The following CCDC171 variants were observed in gnomAD, a reference collection of about 807,000 sequenced individuals.
CCDC171 encodes coiled-coil domain containing 171, also known as coiled-coil domain-containing protein 171.
In CCDC171, 177 loss-of-function variants were observed where a neutral mutation model predicts 168.2. The ratio of observed to expected loss-of-function variants is 1.05; its 90% CI spans 0.93 to 1.19. The LOEUF (loss-of-function observed/expected upper bound fraction) is 1.19. Ranked by LOEUF, CCDC171 falls within the 50% of genes most tolerant of loss-of-function variation. The pLI is 0.00. For synonymous variants in CCDC171, 687 were observed against 540.8 expected (o/e 1.27, Z -3.75); for missense variants, 1,991 against 1,539.0 (o/e 1.29, Z -4.91).
At chr9:15,605,111 G>A (rs536892092) in intron 6 of CCDC171, among the ~76,000 whole-genome samples, 1 of 152,072 alleles carries the variant, frequency 6.6e-6, no homozygotes, top group South Asian at 2.1e-4. Context: ...TGCCTAGGCT[G>A]GTCTTGAATT....
At chr9:15,599,564 G>C (rs899952916) in intron 6 of CCDC171, among the ~76,000 whole-genome samples, 7 of 152,222 alleles carry the variant, frequency 4.6e-5, no homozygotes, top group Middle Eastern at 3.4e-3. Context: ...CAACCTTTCT[G>C]TCTGGCTGCC....
intron 25 of CCDC171, among the ~76,000 whole-genome samples, chr9:15,950,672 C>G (rs1214431546): frequency 6.6e-6 from 1 of 151,716 alleles, no homozygotes; most frequent in Non-Finnish European, 1.5e-5. Flanking sequence ...CAAAATCATG[C>G]CAAAATGTAA....
chr9:15,893,700 T>C (rs1413196981), intron 24 of CCDC171, among the ~76,000 whole-genome samples: 2 of 152,018 alleles, frequency 1.3e-5, no homozygotes, highest in East Asian at 1.9e-4. Flanking sequence ...CACTGATGAT[T>C]AGAGAAATGC....
chr9:15,578,244 T>G (rs2040829707), intron 3 of CCDC171, among the ~76,000 whole-genome samples: 1 of 146,322 alleles, frequency 6.8e-6, no homozygotes, highest in Non-Finnish European at 1.5e-5. Context: ...TTTTCTTTAT[T>G]TTTTTTTTTT....
chr9:15,880,569 G>A (rs1280306329), intron 24 of CCDC171, among the ~76,000 whole-genome samples: 7 of 148,490 alleles, frequency 4.7e-5, no homozygotes, highest in Non-Finnish European at 1.5e-5. Flanking sequence ...CGAATTTCCT[G>A]CCTCAGACTC....
chr9:15,643,726 G>A (rs768411712), intron 7 of CCDC171, among the ~76,000 whole-genome samples: 34 of 152,054 alleles, frequency 2.2e-4, no homozygotes, highest in Admixed American at 1.3e-3. Context: ...TGCCCTTTTC[G>A]TTCTCTCCTT....
chr9:15,634,251 A>AGT (rs138660581), intron 7 of CCDC171, among the ~76,000 whole-genome samples: 1 of 151,956 alleles, frequency 6.6e-6, no homozygotes, highest in South Asian at 2.1e-4. Flanking sequence ...ACTTTTAAAA[A>AGT]AATTAAAGAT....
At chr9:16,087,006 G>T in the CCDC171 span, among the ~76,000 whole-genome samples, 2 of 152,158 alleles carry the variant, frequency 1.3e-5, no homozygotes, top group Admixed American at 6.5e-5. Context: ...TCTTTCAGGA[G>T]CAGGTTGTTC....
chr9:15,860,357 G>A (rs963438543), intron 23 of CCDC171, among the ~76,000 whole-genome samples: 5 of 151,016 alleles, frequency 3.3e-5, no homozygotes, highest in Middle Eastern at 3.4e-3. Context: ...AAATTAAATC[G>A]TTTATGCGAC....
At chr9:15,996,640 A>C (rs1832382692) in intron 3 of CCDC171, among the ~76,000 whole-genome samples, 1 of 152,026 alleles carries the variant, frequency 6.6e-6, no homozygotes, top group Non-Finnish European at 1.5e-5. Context: ...AAAAATACCC[A>C]GCAGGTTGTA....
chr9:15,736,566 G>A (rs1277654970), intron 16 of CCDC171, among the ~76,000 whole-genome samples: 1 of 152,064 alleles, frequency 6.6e-6, no homozygotes, highest in Non-Finnish European at 1.5e-5. Flanking sequence ...TGTCCAGGCT[G>A]GCCCTGAACT....
intron 25 of CCDC171, among the ~76,000 whole-genome samples, chr9:15,929,912 CCTT>C (rs746424475): frequency 4.0e-5 from 6 of 151,854 alleles, no homozygotes; most frequent in Non-Finnish European, 5.9e-5. Context: ...TATTCTGACT[CCTT>C]CTGGTTTTTT....
chr9:15,693,962 C>G (rs1483618979), intron 10 of CCDC171, among the ~76,000 whole-genome samples: 1 of 152,120 alleles, frequency 6.6e-6, no homozygotes, highest in Non-Finnish European at 1.5e-5. Context: ...TTAACCTATT[C>G]CAGTCTGTGT....
downstream of CCDC171, among the ~76,000 whole-genome samples, chr9:16,063,673 C>A (rs1833960393): frequency 6.8e-6 from 1 of 146,902 alleles, no homozygotes; most frequent in African/African-American, 2.5e-5. Flanking sequence ...TCTGCATGTG[C>A]CTTTTGGATA....
intron 10 of CCDC171, among the ~76,000 whole-genome samples, chr9:15,689,944 G>A (rs570092757): frequency 5.6e-4 from 86 of 152,300 alleles, no homozygotes; most frequent in African/African-American, 2.0e-3. Context: ...AGTCAATTCA[G>A]TGGGGGAAAG....
At chr9:15,980,744 T>G (rs1826498279) in intron 3 of CCDC171, among the ~76,000 whole-genome samples, 2 of 148,368 alleles carry the variant, frequency 1.3e-5, no homozygotes, top group African/African-American at 4.9e-5. Flanking sequence ...CTCATTTGGT[T>G]TTTTTTTTTT....
intron 25 of CCDC171, among the ~76,000 whole-genome samples, chr9:15,943,312 A>T (rs1220569568): frequency 1.3e-5 from 2 of 152,020 alleles, no homozygotes; most frequent in Admixed American, 1.3e-4. Context: ...CCAGAAAAAA[A>T]CACTTATTTA....
chr9:16,085,244 T>C, the CCDC171 span, among the ~76,000 whole-genome samples: 7 of 152,218 alleles, frequency 4.6e-5, no homozygotes, highest in African/African-American at 1.7e-4. Context: ...CAGAGCTTGG[T>C]CAGGGAAACA....
chr9:15,632,123 C>T (rs1159721997), intron 7 of CCDC171, among the ~76,000 whole-genome samples: 1 of 151,640 alleles, frequency 6.6e-6, no homozygotes, highest in African/African-American at 2.4e-5. Flanking sequence ...GACAGGGATG[C>T]CCTCTCTCAC....
Sources: allele counts gnomAD v4.1 joint callset (sites outside exome capture counted in the v4.1 genomes callset), GRCh38; gene constraint gnomAD v4.1.1; transcripts MANE v1.5; gene names NCBI Gene and HGNC (gene_info 2026-07-23, HGNC 2026-07-21).